The following STK3 variants were observed in gnomAD, a reference collection of about 807,000 sequenced individuals.
The protein encoded by STK3 is serine/threonine-protein kinase 3.
STK3 carries 41 observed loss-of-function variants against 58.0 expected under a neutral mutation model. The ratio of observed to expected loss-of-function variants is 0.71; its 90% CI spans 0.55 to 0.92. The LOEUF is 0.92. Among genes scored for constraint, STK3 ranks in the 40% least tolerant of loss-of-function variants. STK3 has a pLI of 0.00. For missense variants in STK3, 479 were observed against 602.7 expected (o/e 0.79, Z 2.15); for synonymous variants, 170 against 191.0 (o/e 0.89, Z 0.91).
At chr8:98,512,852 G>T (rs1302873173) in intron 10 of STK3, among the ~76,000 whole-genome samples, 1 of 152,078 alleles carries the variant, frequency 6.6e-6, no homozygotes, top group African/African-American at 2.4e-5. Context: ...CAGATCAGTG[G>T]TGTCTGGTCA....
intron 2 of STK3, among the ~76,000 whole-genome samples, chr8:98,773,812 T>G (rs1470282984): frequency 6.6e-6 from 1 of 152,090 alleles, no homozygotes; most frequent in African/African-American, 2.4e-5. Flanking sequence ...TATTTATTTT[T>G]TGAGACGGAG....
At chr8:98,663,890 C>G (rs1458095174) in intron 6 of STK3, among the ~76,000 whole-genome samples, 1 of 152,150 alleles carries the variant, frequency 6.6e-6, no homozygotes, top group Non-Finnish European at 1.5e-5. Context: ...TCCTTTACAA[C>G]AAACTTTTCC....
At chr8:98,631,092 T>C (rs1269752540) in intron 6 of STK3, among the ~76,000 whole-genome samples, 2 of 152,072 alleles carry the variant, frequency 1.3e-5, no homozygotes, top group Admixed American at 1.3e-4. Context: ...TCTCAACAAC[T>C]TTACCTTTAC....
At chr8:98,391,235 G>A (rs538604244), upstream of STK3, among the ~76,000 whole-genome samples, 19 of 152,280 alleles carry the variant, frequency 1.2e-4, no homozygotes, top group African/African-American at 4.3e-4. Flanking sequence ...TTTCCAACCT[G>A]CCTTCTGTGG....
chr8:98,618,050 T>C (rs1817915945), intron 6 of STK3, among the ~76,000 whole-genome samples: 1 of 151,772 alleles, frequency 6.6e-6, no homozygotes, highest in Admixed American at 6.6e-5. Context: ...TGAACATTGA[T>C]GCAAAAATCC....
At chr8:98,826,379 C>G (rs1238579323), upstream of STK3, among the ~76,000 whole-genome samples, 1 of 152,192 alleles carries the variant, frequency 6.6e-6, no homozygotes, top group Non-Finnish European at 1.5e-5. Flanking sequence ...TTATTGTGGA[C>G]AAGCTCCTCG....
intron 6 of STK3, among the ~76,000 whole-genome samples, chr8:98,669,178 C>T (rs1189290099): frequency 1.3e-5 from 2 of 151,822 alleles, no homozygotes; most frequent in Non-Finnish European, 2.9e-5. Context: ...TGTATTCTTA[C>T]TAGAGATGTG....
chr8:98,852,882 G>A (rs1019826580), intron 3 of STK3, among the ~76,000 whole-genome samples: 1 of 152,016 alleles, frequency 6.6e-6, no homozygotes, highest in East Asian at 1.9e-4. Context: ...TTAATCAAAT[G>A]TGTAATCAAA....
chr8:98,405,265 C>T (rs531205982), intron 3 of STK3, among the ~76,000 whole-genome samples: 52 of 152,274 alleles, frequency 3.4e-4, no homozygotes, highest in Non-Finnish European at 4.7e-4. Flanking sequence ...TGAGAATCCA[C>T]TTCTGATGGT....
chr8:98,436,132 T>C (rs1195742838), intron 2 of STK3, among the ~76,000 whole-genome samples: 1 of 152,186 alleles, frequency 6.6e-6, no homozygotes, highest in Non-Finnish European at 1.5e-5. Flanking sequence ...CTCTAAGTCC[T>C]GGGAACTCCC....
At chr8:98,723,118 A>G in intron 4 of STK3, 1 of 210,614 alleles carries the variant, frequency 4.7e-6, no homozygotes, top group Non-Finnish European at 9.7e-6. Flanking sequence ...AAATGGTGCG[A>G]TGTCATTTTT....
chr8:98,460,996 T>C (rs573189504), intron 10 of STK3, among the ~76,000 whole-genome samples: 2 of 152,344 alleles, frequency 1.3e-5, no homozygotes, highest in African/African-American at 2.4e-5. Flanking sequence ...CTGTAAATAT[T>C]TGTTATGTCC....
chr8:98,728,016 T>G (rs1276329520), intron 4 of STK3, among the ~76,000 whole-genome samples: 5 of 152,222 alleles, frequency 3.3e-5, no homozygotes. Flanking sequence ...AGATTTTATC[T>G]GATCATTCAT....
At chr8:98,687,002 T>C (rs922271119) in intron 6 of STK3, among the ~76,000 whole-genome samples, 1 of 152,166 alleles carries the variant, frequency 6.6e-6, no homozygotes, top group Non-Finnish European at 1.5e-5. Flanking sequence ...GGAAAACATA[T>C]TTGAAGATAG....
At chr8:98,566,289 T>C (rs950800063) in intron 8 of STK3, among the ~76,000 whole-genome samples, 1 of 152,210 alleles carries the variant, frequency 6.6e-6, no homozygotes, top group East Asian at 1.9e-4. Flanking sequence ...ATGGTTATCA[T>C]ATACCATTTC....
chr8:98,562,285 A>C (rs1354787843), intron 8 of STK3, among the ~76,000 whole-genome samples: 1 of 152,174 alleles, frequency 6.6e-6, no homozygotes, highest in Non-Finnish European at 1.5e-5. Flanking sequence ...TCAATAAGTT[A>C]ATGGATAAAT....
intron 9 of STK3, among the ~76,000 whole-genome samples, chr8:98,531,423 G>C (rs994318372): frequency 1.6e-4 from 25 of 152,114 alleles, no homozygotes; most frequent in African/African-American, 5.3e-4. Context: ...CTCAGCAGTA[G>C]GTCTCAACAG....
chr8:98,436,338 C>T (rs1330306404), intron 2 of STK3, among the ~76,000 whole-genome samples: 1 of 151,798 alleles, frequency 6.6e-6, no homozygotes, highest in Non-Finnish European at 1.5e-5. Context: ...ACCCCTGTGT[C>T]TCCTGCCCGA....
At chr8:98,599,840 A>C (rs902098344) in intron 6 of STK3, among the ~76,000 whole-genome samples, 5 of 152,062 alleles carry the variant, frequency 3.3e-5, no homozygotes, top group African/African-American at 1.2e-4. Context: ...GCATGGTGGC[A>C]GGCACTTGTA....
Sources: gnomAD v4.1 joint callset for allele counts (sites outside exome capture counted in the v4.1 genomes callset) on GRCh38, gnomAD v4.1.1 for gene constraint, MANE v1.5 for transcripts, NCBI Gene and HGNC (gene_info 2026-07-23, HGNC 2026-07-21) for gene names.